ACAN: variants seen among roughly 807,000 people sequenced by gnomAD.
ACAN encodes aggrecan core protein.
In ACAN, 47 loss-of-function variants were observed where a neutral mutation model predicts 169.1. The observed-to-expected ratio is 0.28, with a 90% CI of 0.22 to 0.35. The LOEUF (loss-of-function observed/expected upper bound fraction) is 0.35, where lower values mean the gene tolerates loss of function less well. ACAN is among the 10% of genes least tolerant of loss of function. ACAN has a pLI of 1.00. For synonymous variants in ACAN, 1,115 were observed against 1,112.2 expected, an observed-to-expected ratio of 1.00 and a Z score of -0.05; for missense variants, 2,716 against 2,759.9, an observed-to-expected ratio of 0.98 and a Z score of 0.36.
chr15:88,846,996 A>G (rs1167014283), intron 7 of ACAN, among the ~76,000 whole-genome samples: 1 of 152,218 alleles, frequency 6.6e-6, no homozygotes, highest in Non-Finnish European at 1.5e-5. Context: ...AAGTCTATGA[A>G]CAAGGACATT....
At chr15:88,816,939 C>T (rs1321955511) in intron 1 of ACAN, among the ~76,000 whole-genome samples, 1 of 152,158 alleles carries the variant, frequency 6.6e-6, no homozygotes, top group Non-Finnish European at 1.5e-5. Context: ...TGTTTCCCAC[C>T]ATCTGATTCT....
intron 12 of ACAN, among the ~76,000 whole-genome samples, chr15:88,859,864 T>C (rs947838698): frequency 2.0e-5 from 3 of 152,174 alleles, no homozygotes; most frequent in African/African-American, 7.2e-5. Context: ...AATCTGCTGA[T>C]GGTGTTTATG....
At chr15:88,818,806 A>G (rs1237316475) in intron 1 of ACAN, among the ~76,000 whole-genome samples, 1 of 152,204 alleles carries the variant, frequency 6.6e-6, no homozygotes, top group Non-Finnish European at 1.5e-5. Context: ...TCAGTTTGGC[A>G]TGGTGAAAAG....
chr15:88,837,764 T>C (rs907233471), intron 2 of ACAN, among the ~76,000 whole-genome samples: 5 of 152,020 alleles, frequency 3.3e-5, no homozygotes, highest in Admixed American at 1.3e-4. Context: ...CATTCCTCGC[T>C]CCCCTCCCCT....
chr15:88,836,094 G>T, intron 1 of ACAN, 106 bp from the exon 2 acceptor site: 1 of 758,160 alleles, frequency 1.3e-6, no homozygotes, highest in East Asian at 2.7e-5. Context: ...GATGATTCCA[G>T]GTCCTTGGGT....
intron 1 of ACAN, among the ~76,000 whole-genome samples, chr15:88,815,030 GA>G (rs11300352): frequency 0.23 from 27,170 of 120,152 alleles, 2,784 homozygotes; most frequent in East Asian, 0.36. Context: ...GTGGACCCCA[GA>G]AAAAAAAAAA....
In ACAN at chr15:88,866,150, C is replaced by A. The variant is rs1394656508; in HGVS notation, c.6947-2066C>A. 1.3e-5 allele frequency among the ~76,000 whole-genome samples: 2 copies of A among 152,154 alleles called. No homozygotes were observed. The highest frequency in any genetic ancestry group is 3.9e-4 in the East Asian group (2 of 5,192). On this transcript the variant is annotated intron_variant, in intron 13 of 18. Coordinates refer to ENST00000560601, the MANE Select transcript of ACAN (RefSeq NM_001369268.1). This position sits in a 1 kb window ranked among gnomAD's most constrained non-coding sequence, Gnocchi z 5.6. ...AGCCTGGGAGCAGGTTTTATGCGAC[C>A]AGCCTCTGAGACAACTGGATACCCC...
At chr15:88,863,340 G>A (rs1053555467) in intron 13 of ACAN, among the ~76,000 whole-genome samples, 2 of 152,126 alleles carry the variant, frequency 1.3e-5, no homozygotes, top group African/African-American at 4.8e-5. Context: ...AGACTCTAAG[G>A]TTTCTATCCT....
rs777677916 is a variant in ACAN at position 88,855,310 on chromosome 15, G to T, written c.2725G>T (p.Gly909Cys). The T allele has an allele frequency of 6.2e-7, 1 of 1,611,848 alleles. No homozygotes were observed. Among genetic ancestry groups the T allele is most frequent in the Non-Finnish European group, 8.5e-7 (1 of 1,178,490 alleles). ...CTCCAGTGGTCTTACTTCCACAGTG[G>T]GCTCAGGCCTGCCTGTGGAAAGTGG... ...LDSSGLTSTV[G>C]SGLPVESGLP... The change falls in exon 12 of 19, where the codon GGC (glycine) becomes TGC (cysteine). Residue 909 changes from glycine (G) to cysteine (C), a missense_variant. This residue lies in a region of ACAN where 1,283 missense variants were observed against 1,281.5 expected (regional missense o/e 1.00). Transcript: ENST00000560601.
intron 11 of ACAN, 77 bp downstream of exon 11, chr15:88,852,110 G>A: frequency 2.0e-6 from 3 of 1,508,806 alleles, no homozygotes; most frequent in Non-Finnish European, 2.7e-6. Flanking sequence ...TGGTGGGGCG[G>A]GGGGGTTCCC....
rs762106035 is a variant in ACAN at position 88,849,635 on chromosome 15, G to T, written c.1930G>T (p.Gly644Cys). Residue 644 changes from glycine (G) to cysteine (C), a missense_variant, in exon 10 of 19, where the codon GGT becomes TGT. This residue lies in a region of ACAN where 1,283 missense variants were observed against 1,281.5 expected (regional missense o/e 1.00). Transcript: ENST00000560601. The surrounding 1 kb of genome is among the most constrained non-coding windows in gnomAD (Gnocchi z 5.1). ...YPIVTPRPAC[G>C]GDKPGVRTVY... is the part of the protein sequence containing the mutation. ...CATCGTCACCCCAAGGCCTGCCTGC[G>T]GTGGGGACAAGCCAGGCGTGAGAAC... The T allele has an allele frequency of 6.2e-7, 1 of 1,612,970 alleles. No individual in the cohort carries two copies. Among genetic ancestry groups the T allele is most frequent in the Non-Finnish European group, 8.5e-7 (1 of 1,179,670 alleles).
intron 1 of ACAN, among the ~76,000 whole-genome samples, chr15:88,823,095 C>T (rs2141521947): frequency 6.6e-6 from 1 of 152,332 alleles, no homozygotes; most frequent in Admixed American, 6.5e-5. Flanking sequence ...GCTCAATTTC[C>T]ACACAGGGAG....
At chr15:88,815,738 C>T (rs1895926630) in intron 1 of ACAN, among the ~76,000 whole-genome samples, 1 of 150,342 alleles carries the variant, frequency 6.7e-6, no homozygotes, top group African/African-American at 2.5e-5. Flanking sequence ...CTAAGCGACC[C>T]TGAGGTTGAC....
chr15:88,852,129 A>G, intron 11 of ACAN, 96 bp downstream of exon 11: 2 of 1,476,668 alleles, frequency 1.4e-6, no homozygotes, highest in East Asian at 2.5e-5. Context: ...CCTCCCTGGG[A>G]TTTGTGCTGT....
chr15:88,867,824 C>A (rs1897304343), intron 13 of ACAN, among the ~76,000 whole-genome samples: 1 of 152,192 alleles, frequency 6.6e-6, no homozygotes, highest in Admixed American at 6.5e-5. Context: ...CCTTGCTCAC[C>A]ACCACGTTCA....
rs1480458370 is a variant in ACAN at position 88,874,407 on chromosome 15, A to G, written c.7633A>G (p.Thr2545Ala). The G allele has an allele frequency of 3.7e-6, 6 of 1,603,360 alleles. No homozygotes were observed. The highest frequency in any genetic ancestry group is 5.1e-6 in the Non-Finnish European group (6 of 1,175,464). ...EEPQITCTDP[T>A]TYKRRLQKRS... The stretch of plus-strand genomic sequence containing the variant: ...TTTCCATCTCCCTTTCGTCCTAGCC[A>G]CCACCTACAAACGCAGACTACAGAA... The change falls in exon 19 of 19, where the codon ACC becomes GCC. Residue 2545 changes from threonine to alanine, a missense_variant and splice_region_variant. Thr to Ala is a moderately conservative substitution (Grantham distance 58). Around this residue, in one of 3 missense-constraint regions of ACAN, gnomAD observed 1,389 missense variants for 1,363.7 expected, o/e 1.02. Transcript: ENST00000560601. The surrounding 1 kb of genome is among the most constrained non-coding windows in gnomAD (Gnocchi z 7.3).
At chr15:88,852,353 G>A (rs1289516446) in intron 11 of ACAN, among the ~76,000 whole-genome samples, 1 of 152,154 alleles carries the variant, frequency 6.6e-6, no homozygotes, top group Admixed American at 6.5e-5. Flanking sequence ...TTGTCCTCCT[G>A]CACTGACACC....
In ACAN at chr15:88,849,393, C is replaced by T. The variant is rs1896874340; in HGVS notation, c.1733-45C>T. On this transcript the variant is annotated intron_variant, in intron 9 of 18. Coordinates refer to ENST00000560601, the MANE Select transcript of ACAN (RefSeq NM_001369268.1). The surrounding 1 kb of genome is among the most constrained non-coding windows in gnomAD (Gnocchi z 5.1). ...CTGGGTGGGCAGGGATGGACCTGGC[C>T]TGAGTGTGGGGGGGTCATATTCTAC... is the stretch of plus-strand genomic sequence containing the variant. 2.0e-6 allele frequency: 3 copies of T among 1,506,976 alleles called. No homozygotes were observed. Among genetic ancestry groups the T allele is most frequent in the Non-Finnish European group, 2.7e-6 (3 of 1,124,140 alleles). 93.4% of individuals were successfully genotyped at this position (1,506,976 alleles called of 1,614,324 possible).
chr15:88,863,964 GAGTTCAAGACCAGCCTGGGCAACA>G (rs1897243636), intron 13 of ACAN, among the ~76,000 whole-genome samples: 2 of 152,216 alleles, frequency 1.3e-5, no homozygotes, highest in African/African-American at 4.8e-5. Context: ...TTGAGCCCAG[GAGTTCAAGACCAGCCTGGGCAACA>G]CAGTGGGATC....
Sources: gnomAD v4.1 joint callset for allele counts (sites outside exome capture counted in the v4.1 genomes callset) on GRCh38, gnomAD v4.1.1 for gene constraint, gnomAD v4.1.1 regional missense constraint, Gnocchi (gnomAD v3.1) non-coding constraint, MANE v1.5 for transcripts, NCBI Gene and HGNC (gene_info 2026-07-23, HGNC 2026-07-21) for gene names.